KIAA1549L: variants seen among roughly 807,000 people sequenced by gnomAD.
KIAA1549L encodes the protein KIAA1549 like.
Under a neutral mutation model 160.7 loss-of-function variants are expected in KIAA1549L, and 88 were observed. That is an observed-to-expected ratio of 0.55 (90% CI 0.46 to 0.65). KIAA1549L has a LOEUF of 0.65. KIAA1549L is among the 30% of genes least tolerant of loss of function. The pLI is 0.00. For missense variants in KIAA1549L, 2,258 were observed against 2,437.5 expected (o/e 0.93, Z 1.55); for synonymous variants, 950 against 976.7 (o/e 0.97, Z 0.51).
chr11:33,447,570 C>T (rs1851639044), intron 1 of KIAA1549L, among the ~76,000 whole-genome samples: 1 of 145,796 alleles, frequency 6.9e-6, no homozygotes, highest in African/African-American at 2.5e-5. Flanking sequence ...ATCCATCCAT[C>T]CATCCCACCT....
intron 1 of KIAA1549L, among the ~76,000 whole-genome samples, chr11:33,525,749 C>A (rs981891133): frequency 2.0e-5 from 3 of 151,808 alleles, no homozygotes; most frequent in African/African-American, 7.3e-5. Context: ...TCACCAGCTG[C>A]CTGGATGTAT....
chr11:33,632,743 T>A (rs1422577841), intron 16 of KIAA1549L, among the ~76,000 whole-genome samples: 2 of 152,078 alleles, frequency 1.3e-5, no homozygotes, highest in Admixed American at 1.3e-4. Flanking sequence ...GGTTAATTTT[T>A]AATTTTTATT....
intron 16 of KIAA1549L, among the ~76,000 whole-genome samples, chr11:33,624,987 C>T (rs185436327): frequency 0.02 from 3,034 of 149,804 alleles, 96 homozygotes; most frequent in African/African-American, 0.071. Context: ...CAATTCCCAC[C>T]TATGAGTGAG....
intron 17 of KIAA1549L, among the ~76,000 whole-genome samples, chr11:33,650,996 A>G (rs555065761): frequency 6.6e-6 from 1 of 152,186 alleles, no homozygotes; most frequent in East Asian, 1.9e-4. Flanking sequence ...GTGAGACAGG[A>G]CAGAAGGCCC....
chr11:33,614,173 A>G (rs1271473377), intron 15 of KIAA1549L, among the ~76,000 whole-genome samples: 1 of 151,956 alleles, frequency 6.6e-6, no homozygotes, highest in Non-Finnish European at 1.5e-5. Context: ...CAATAACTAC[A>G]TTTTCTAGTT....
intron 1 of KIAA1549L, among the ~76,000 whole-genome samples, chr11:33,449,968 A>C (rs1212522118): frequency 6.6e-6 from 1 of 152,206 alleles, no homozygotes; most frequent in Non-Finnish European, 1.5e-5. Flanking sequence ...CCAACCCATT[A>C]GCTATCCATC....
intron 1 of KIAA1549L, among the ~76,000 whole-genome samples, chr11:33,480,885 A>G (rs1852398115): frequency 6.6e-6 from 1 of 152,182 alleles, no homozygotes; most frequent in African/African-American, 2.4e-5. Context: ...CATCACGTGG[A>G]TGTAGGAGTC....
chr11:33,435,635 T>A (rs952232447), intron 1 of KIAA1549L, among the ~76,000 whole-genome samples: 1 of 150,642 alleles, frequency 6.6e-6, no homozygotes, highest in African/African-American at 2.4e-5. Flanking sequence ...TGGCCAAATA[T>A]AATGTTTATT....
chr11:33,510,585 C>T (rs1297760715), intron 1 of KIAA1549L, among the ~76,000 whole-genome samples: 1 of 152,208 alleles, frequency 6.6e-6, no homozygotes, highest in Non-Finnish European at 1.5e-5. Flanking sequence ...AGATGCTCTC[C>T]AGAAAGCCCA....
intron 1 of KIAA1549L, among the ~76,000 whole-genome samples, chr11:33,404,900 C>T (rs560256944): frequency 1.1e-4 from 17 of 148,860 alleles, no homozygotes; most frequent in Admixed American, 1.1e-3. Flanking sequence ...CCCAGCTACT[C>T]GGGAGGCTGA....
chr11:33,516,796 C>T (rs903509036), intron 1 of KIAA1549L, among the ~76,000 whole-genome samples: 10 of 152,132 alleles, frequency 6.6e-5, no homozygotes, highest in African/African-American at 9.7e-5. Context: ...ATGGAATCAG[C>T]CACATTTGTC....
intron 16 of KIAA1549L, among the ~76,000 whole-genome samples, chr11:33,635,441 T>C (rs550269922): frequency 6.6e-6 from 1 of 152,318 alleles, no homozygotes; most frequent in South Asian, 2.1e-4. Context: ...GGAGCTGCGA[T>C]TGACACTGAG....
chr11:33,538,964 A>G (rs1231387208), intron 1 of KIAA1549L, among the ~76,000 whole-genome samples: 3 of 152,188 alleles, frequency 2.0e-5, no homozygotes, highest in Non-Finnish European at 4.4e-5. Context: ...CTGTCTAGGT[A>G]ATTTTTGGAC....
At chr11:33,527,751 TC>T (rs1376738867) in intron 1 of KIAA1549L, among the ~76,000 whole-genome samples, 2 of 151,712 alleles carry the variant, frequency 1.3e-5, no homozygotes, top group African/African-American at 4.8e-5. Context: ...AACAAATAAT[TC>T]CATCAAAAAG....
At chr11:33,612,472 G>T (rs1850672538) in intron 15 of KIAA1549L, among the ~76,000 whole-genome samples, 1 of 152,156 alleles carries the variant, frequency 6.6e-6, no homozygotes, top group Admixed American at 6.5e-5. Context: ...GCTCAGGCTG[G>T]TCTCAAACTC....
chr11:33,429,710 C>T (rs559165696), intron 1 of KIAA1549L, among the ~76,000 whole-genome samples: 4 of 152,142 alleles, frequency 2.6e-5, no homozygotes, highest in Admixed American at 6.6e-5. Flanking sequence ...CTACCCTGAA[C>T]GTCCCCCTCC....
At chr11:33,437,570 T>A (rs1416045261) in intron 1 of KIAA1549L, among the ~76,000 whole-genome samples, 1 of 152,254 alleles carries the variant, frequency 6.6e-6, no homozygotes, top group East Asian at 1.9e-4. Flanking sequence ...TTACACTTTG[T>A]ACCTTACAGG....
At chr11:33,606,455 T>C (rs1850503002) in intron 13 of KIAA1549L, among the ~76,000 whole-genome samples, 186 bp from the exon 14 acceptor site, 1 of 152,208 alleles carries the variant, frequency 6.6e-6, no homozygotes, top group African/African-American at 2.4e-5. Flanking sequence ...GGATAAATCA[T>C]ACAGATCTTA....
chr11:33,625,248 A>T (rs1313016380), intron 16 of KIAA1549L, among the ~76,000 whole-genome samples: 2 of 151,894 alleles, frequency 1.3e-5, no homozygotes, highest in Non-Finnish European at 2.9e-5. Context: ...TAGCAGCATG[A>T]TTTATAGTCC....
Sources: gnomAD v4.1 joint callset for allele counts (sites outside exome capture counted in the v4.1 genomes callset) on GRCh38, gnomAD v4.1.1 for gene constraint, MANE v1.5 for transcripts, NCBI Gene and HGNC (gene_info 2026-07-23, HGNC 2026-07-21) for gene names.